Variants in ENOX1 observed in about 807,000 individuals in gnomAD.
ENOX1 encodes the protein candidate growth-related and time keeping constitutive hydroquinone (NADH) oxidase.
A neutral mutation model predicts 82.5 loss-of-function variants in ENOX1; 42 were observed. That is an observed-to-expected ratio of 0.51 (90% CI 0.40 to 0.66). ENOX1 has a LOEUF of 0.66. ENOX1 is among the 30% of genes least tolerant of loss of function. ENOX1 has a pLI of 0.00. For synonymous variants in ENOX1, 271 were observed against 282.2 expected, an observed-to-expected ratio of 0.96 and a Z score of 0.40; for missense variants, 608 against 811.6, an observed-to-expected ratio of 0.75 and a Z score of 3.05.
At position 43,550,336 on chromosome 13, in the gene ENOX1, C is replaced by T. The variant is rs575465749; in HGVS notation, c.-218-66184G>A. 1.3e-3 allele frequency among the ~76,000 whole-genome samples: 199 copies of T among 152,284 alleles called. 1 individual carries two copies. The highest frequency in any genetic ancestry group is 4.7e-3 in the African/African-American group (195 of 41,574). On this transcript the variant is annotated intron_variant, in intron 2 of 16. Coordinates refer to ENST00000690772, the MANE Select transcript of ENOX1 (RefSeq NM_001347969.2). ...GAGGCATGGTGCTGGGTATCCTACA[C>T]ACAGTTGGAGCCCCACAATATGCTA...
chr13:43,364,854 GAC>G (rs1242662767), intron 5 of ENOX1, among the ~76,000 whole-genome samples: 2 of 152,184 alleles, frequency 1.3e-5, no homozygotes, highest in African/African-American at 4.8e-5. Flanking sequence ...AGGCTCAGAG[GAC>G]ACAGAGAGAG....
chr13:43,445,543 G>A (rs1006183129), intron 3 of ENOX1, among the ~76,000 whole-genome samples: 1 of 152,160 alleles, frequency 6.6e-6, no homozygotes, highest in African/African-American at 2.4e-5. Flanking sequence ...ATGGCGCTCA[G>A]GTCTTTCCTG....
intron 2 of ENOX1, among the ~76,000 whole-genome samples, chr13:43,616,186 C>CTAGATATATATATATA (rs1566642235): frequency 5.8e-4 from 4 of 6,948 alleles, no homozygotes; most frequent in Non-Finnish European, 3.0e-3. Flanking sequence ...ATCTATCTAT[C>CTAGATATATATATATA]TATATATATA....
At chr13:43,328,390 T>C (rs1350029868) in intron 9 of ENOX1, among the ~76,000 whole-genome samples, 1 of 152,144 alleles carries the variant, frequency 6.6e-6, no homozygotes, top group Non-Finnish European at 1.5e-5. Context: ...ATGGGCTTCG[T>C]TGCTTATAAT....
At chr13:43,455,829 C>T (rs955705539) in intron 3 of ENOX1, among the ~76,000 whole-genome samples, 18 of 152,204 alleles carry the variant, frequency 1.2e-4, no homozygotes, top group Non-Finnish European at 2.5e-4. Flanking sequence ...GCTTGCTTCT[C>T]ATTCTGTCTT....
At chr13:43,280,149 C>G (rs2045295481) in intron 12 of ENOX1, among the ~76,000 whole-genome samples, 3 of 152,208 alleles carry the variant, frequency 2.0e-5, no homozygotes, top group Admixed American at 2.0e-4. Flanking sequence ...GCTTTCCAGC[C>G]AGGTTGGCCC....
intron 11 of ENOX1, among the ~76,000 whole-genome samples, chr13:43,309,470 G>T (rs2047063205): frequency 6.6e-6 from 1 of 152,142 alleles, no homozygotes; most frequent in Non-Finnish European, 1.5e-5. Context: ...ATCATAGTGA[G>T]CTTGGCAGTG....
intron 3 of ENOX1, among the ~76,000 whole-genome samples, chr13:43,454,717 G>A (rs892580527): frequency 4.6e-5 from 7 of 152,010 alleles, no homozygotes; most frequent in African/African-American, 7.2e-5. Flanking sequence ...AAGAGTATGC[G>A]TTCGATGTTG....
At chr13:43,472,690 A>G (rs1189257499) in intron 3 of ENOX1, among the ~76,000 whole-genome samples, 1 of 152,182 alleles carries the variant, frequency 6.6e-6, no homozygotes, top group Non-Finnish European at 1.5e-5. Context: ...TCACCTTTGT[A>G]GGCTACCTTT....
intron 2 of ENOX1, among the ~76,000 whole-genome samples, chr13:43,596,551 A>G (rs1206545419): frequency 6.6e-6 from 1 of 152,252 alleles, no homozygotes; most frequent in Admixed American, 6.5e-5. Flanking sequence ...GCTCTTAATG[A>G]CAAAGTCTTA....
chr13:43,434,715 GA>G (rs1232483679), intron 3 of ENOX1, among the ~76,000 whole-genome samples: 1 of 152,028 alleles, frequency 6.6e-6, no homozygotes, highest in East Asian at 1.9e-4. Context: ...ATGTGTCAGG[GA>G]AAAAATATTA....
intron 14 of ENOX1, among the ~76,000 whole-genome samples, chr13:43,249,650 T>C (rs1331267898): frequency 6.6e-6 from 1 of 152,208 alleles, no homozygotes; most frequent in Non-Finnish European, 1.5e-5. Flanking sequence ...GCTGAGTTTA[T>C]GTTACTGATG....
chr13:43,479,065 T>C (rs2058407598), intron 3 of ENOX1, among the ~76,000 whole-genome samples: 1 of 152,084 alleles, frequency 6.6e-6, no homozygotes, highest in South Asian at 2.1e-4. Context: ...GAAACAGAAG[T>C]TGTCAAGTCA....
intron 14 of ENOX1, among the ~76,000 whole-genome samples, chr13:43,247,846 TATATATATATATATATATA>T (rs2043170668): frequency 4.3e-4 from 2 of 4,704 alleles, no homozygotes; most frequent in Non-Finnish European, 1.3e-3. Context: ...TATATATATA[TATATATATATATATATATA>T]TATATATATA....
chr13:43,754,715 G>A (rs1298390241), intron 1 of ENOX1, among the ~76,000 whole-genome samples: 1 of 151,952 alleles, frequency 6.6e-6, no homozygotes, highest in African/African-American at 2.4e-5. Flanking sequence ...CTCCTGAGTA[G>A]CTGGGGTGAC....
At chr13:43,434,120 C>T (rs1440905329) in intron 3 of ENOX1, among the ~76,000 whole-genome samples, 1 of 152,188 alleles carries the variant, frequency 6.6e-6, no homozygotes, top group Non-Finnish European at 1.5e-5. Flanking sequence ...AGATTCATGC[C>T]TCCTTTACTT....
chr13:43,666,142 G>A (rs1016353284), intron 2 of ENOX1, among the ~76,000 whole-genome samples: 2 of 152,006 alleles, frequency 1.3e-5, no homozygotes, highest in African/African-American at 4.8e-5. Context: ...CAGGAACACA[G>A]TGTAAGCATG....
rs183569268 is a variant in ENOX1, at chr13:43,511,878, G to A, written c.-218-27726C>T. 3.4e-3 allele frequency among the ~76,000 whole-genome samples: 513 copies of A among 152,106 alleles called. 2 individuals carry two copies. Among genetic ancestry groups the A allele is most frequent in the African/African-American group, 0.012 (489 of 41,510 alleles). ...CATATTTCCTTTCCTTTCCACAGGC[G>A]ATCATGCAAATTCCCTAGCTTAAGG... On this transcript the variant is annotated intron_variant, in intron 2 of 16. Transcript: ENST00000690772.
chr13:43,479,515 TGA>T (rs1390879902), intron 3 of ENOX1, among the ~76,000 whole-genome samples: 20 of 152,206 alleles, frequency 1.3e-4, no homozygotes, highest in Non-Finnish European at 5.9e-5. Flanking sequence ...TTTCCTGTAC[TGA>T]GTTCTAATAT....
Sources: allele counts gnomAD v4.1 joint callset (sites outside exome capture counted in the v4.1 genomes callset), GRCh38; gene constraint gnomAD v4.1.1; transcripts MANE v1.5; gene names NCBI Gene and HGNC (gene_info 2026-07-23, HGNC 2026-07-21).